The following SRPRA variants were observed in gnomAD, a reference collection of about 807,000 sequenced individuals.
The protein encoded by SRPRA is signal recognition particle receptor subunit alpha.
In SRPRA, 30 loss-of-function variants were observed where a neutral mutation model predicts 61.1. The observed-to-expected ratio is 0.49, with a 90% CI of 0.37 to 0.67. The LOEUF (loss-of-function observed/expected upper bound fraction) is 0.67. SRPRA is among the 30% of genes least tolerant of loss of function. The pLI is 0.00. For missense variants in SRPRA, 759 were observed against 828.4 expected, an observed-to-expected ratio of 0.92 and a Z score of 1.03; for synonymous variants, 324 against 299.7, an observed-to-expected ratio of 1.08 and a Z score of -0.84.
At chr11:126,259,425 C>CTTT (rs397945854), downstream of SRPRA, among the ~76,000 whole-genome samples, 115 of 129,408 alleles carry the variant, frequency 8.9e-4, 3 homozygotes, top group East Asian at 0.019. Context: ...CGTTGTGGTA[C>CTTT]TTTTTTTTTT....
chr11:126,236,836 T>C, the SRPRA span, among the ~76,000 whole-genome samples: 33 of 151,874 alleles, frequency 2.2e-4, no homozygotes, highest in Non-Finnish European at 2.5e-4. Flanking sequence ...GATTTAAAAA[T>C]TTCTGTTGCG....
the SRPRA span, among the ~76,000 whole-genome samples, chr11:126,248,269 A>G: frequency 1.3e-5 from 2 of 151,140 alleles, no homozygotes; most frequent in African/African-American, 2.4e-5. Context: ...TCATAGGGCA[A>G]ATGGATTTGT....
chr11:126,255,529 G>A, the SRPRA span, among the ~76,000 whole-genome samples: 2 of 152,186 alleles, frequency 1.3e-5, no homozygotes, highest in African/African-American at 2.4e-5. This position sits in a 1 kb window ranked among gnomAD's most constrained non-coding sequence, Gnocchi z 4.6. Flanking sequence ...AGTATCAAAC[G>A]CCTTTCCTTG....
At chr11:126,258,074 G>A (rs1457869335), downstream of SRPRA, among the ~76,000 whole-genome samples, 1 of 152,192 alleles carries the variant, frequency 6.6e-6, no homozygotes, top group Non-Finnish European at 1.5e-5. Context: ...GAAAACTTAT[G>A]TAAGTATTTT....
downstream of SRPRA, chr11:126,261,333 A>C: frequency 1.0e-6 from 1 of 984,352 alleles, no homozygotes; most frequent in Non-Finnish European, 1.6e-6. Flanking sequence ...TTTCAGTCGT[A>C]CCATATGTCC....
the SRPRA span, among the ~76,000 whole-genome samples, chr11:126,244,882 A>C: frequency 6.6e-6 from 1 of 152,172 alleles, no homozygotes. The surrounding 1 kb of genome is among the most constrained non-coding windows in gnomAD (Gnocchi z 4.5). Flanking sequence ...GATCTAAATA[A>C]ATGGAAAGAC....
chr11:126,268,545 A>G (rs544943745), intron 1 of SRPRA, 143 bp downstream of exon 1: 3 of 676,832 alleles, frequency 4.4e-6, no homozygotes. Context: ...GGACGAGAAA[A>G]CGAAGCGGAG....
At chr11:126,261,636 G>A, downstream of SRPRA, 1 of 631,982 alleles carries the variant, frequency 1.6e-6, no homozygotes, top group Non-Finnish European at 2.8e-6. Flanking sequence ...TACCCATTAA[G>A]GATTCTATCT....
rs1950882781 is a variant in SRPRA at position 126,268,894 on chromosome 11, A to G, written c.-90T>C. 1 of 1,075,840 alleles carries G rather than the reference A, an allele frequency of 9.3e-7. No individual in the cohort carries two copies. Among genetic ancestry groups the G allele is most frequent in the Admixed American group, 1.9e-5 (1 of 51,822 alleles). The allele number at this position is 1,075,840 out of a possible 1,614,324, so 66.6% of individuals were successfully genotyped here. ...TGCTGCGCCAAGCGCGGGACACGTC[A>G]CACCAGTGGCCCCGGAAATCGGCTC... is the stretch of plus-strand genomic sequence containing the variant. On this transcript the variant is annotated 5_prime_UTR_variant, in exon 1 of 14. Transcript: ENST00000332118.
At chr11:126,246,232 T>A in the SRPRA span, among the ~76,000 whole-genome samples, 1 of 152,184 alleles carries the variant, frequency 6.6e-6, no homozygotes, top group African/African-American at 2.4e-5. Context: ...CTTTTCTGAC[T>A]TTTGTGTGTG....
At position 126,267,117 on chromosome 11, in the gene SRPRA, C is replaced by A; in HGVS notation, c.526+58G>T. Reference sequence around the variant, plus strand: ...TGACAAAAGGAAGGACCACCTCAGTCCTTAGCACCGTGTTAACACCTTTCA... The same window carrying A: ...TGACAAAAGGAAGGACCACCTCAGTACTTAGCACCGTGTTAACACCTTTCA... On this transcript the variant is annotated intron_variant, in intron 4 of 13. Coordinates refer to ENST00000332118, the MANE Select transcript of SRPRA (RefSeq NM_003139.4). This position sits in a 1 kb window ranked among gnomAD's most constrained non-coding sequence, Gnocchi z 4.2. 1 of 1,605,684 alleles carries A rather than the reference C, an allele frequency of 6.2e-7. No homozygotes were observed.
At chr11:126,250,765 G>T in the SRPRA span, 17 of 1,499,608 alleles carry the variant, frequency 1.1e-5, no homozygotes, top group Admixed American at 1.1e-4. This position sits in a 1 kb window ranked among gnomAD's most constrained non-coding sequence, Gnocchi z 5.1. Flanking sequence ...CCTTCTTCAG[G>T]CTAGTGGATT....
In SRPRA at chr11:126,264,701, C is replaced by T. The variant is rs781028892; in HGVS notation, c.1526-162G>A. On this transcript the variant is annotated intron_variant, in intron 11 of 13. Coordinates refer to ENST00000332118, the MANE Select transcript of SRPRA (RefSeq NM_003139.4). The surrounding 1 kb of genome is among the most constrained non-coding windows in gnomAD (Gnocchi z 5.0). ...AAAACTTGATTATATGCTTGGCCAT[C>T]ACCAAACATATTCAGGAAAAGGAGG... 8.0e-6 allele frequency: 7 copies of T among 872,326 alleles called. No individual in the cohort carries two copies. Among genetic ancestry groups the T allele is most frequent in the Non-Finnish European group, 1.2e-5 (7 of 584,576 alleles). 54.0% of individuals were successfully genotyped at this position (872,326 alleles called of 1,614,324 possible).
the SRPRA span, among the ~76,000 whole-genome samples, chr11:126,243,456 C>G: frequency 1.3e-5 from 2 of 149,462 alleles, no homozygotes; most frequent in Non-Finnish European, 3.0e-5. Flanking sequence ...AGAGCAAGAC[C>G]CTGTCTGCCT....
chr11:126,250,180 C>T, the SRPRA span, among the ~76,000 whole-genome samples: 18 of 151,646 alleles, frequency 1.2e-4, no homozygotes, highest in African/African-American at 4.1e-4. The surrounding 1 kb of genome is among the most constrained non-coding windows in gnomAD (Gnocchi z 5.1). Context: ...CAAGCTCCGC[C>T]TCCTGGGTTC....
At chr11:126,257,207 T>G in the SRPRA span, among the ~76,000 whole-genome samples, 1 of 152,200 alleles carries the variant, frequency 6.6e-6, no homozygotes, top group African/African-American at 2.4e-5. Context: ...CATGGAGTAT[T>G]TGTGGAAAGG....
downstream of SRPRA, among the ~76,000 whole-genome samples, chr11:126,259,150 G>A (rs1215216242): frequency 1.3e-5 from 2 of 152,180 alleles, no homozygotes; most frequent in African/African-American, 4.8e-5. Context: ...TTTGAAACGA[G>A]TCAACCTTAT....
At chr11:126,259,913 C>T (rs886445125), downstream of SRPRA, among the ~76,000 whole-genome samples, 5 of 146,728 alleles carry the variant, frequency 3.4e-5, no homozygotes, top group African/African-American at 5.1e-5. Context: ...GTAGATACAG[C>T]GTTTCACTGT....
chr11:126,255,095 C>T, the SRPRA span, among the ~76,000 whole-genome samples: 2 of 152,204 alleles, frequency 1.3e-5, no homozygotes, highest in Admixed American at 6.5e-5. The surrounding 1 kb of genome is among the most constrained non-coding windows in gnomAD (Gnocchi z 4.6). Context: ...AACAAACCAA[C>T]CACTACTAGA....
Sources: gnomAD v4.1 joint callset for allele counts (sites outside exome capture counted in the v4.1 genomes callset) on GRCh38, gnomAD v4.1.1 for gene constraint, Gnocchi (gnomAD v3.1) non-coding constraint, MANE v1.5 for transcripts, NCBI Gene and HGNC (gene_info 2026-07-23, HGNC 2026-07-21) for gene names.